The following DDIT4 variants were observed in gnomAD, a reference collection of about 807,000 sequenced individuals.
The protein encoded by DDIT4 is DNA damage-inducible transcript 4 protein.
DDIT4 carries 20 observed loss-of-function variants against 20.2 expected under a neutral mutation model. That is an observed-to-expected ratio of 0.99 (90% CI 0.70 to 1.44). DDIT4 has a LOEUF of 1.44. Ranked by LOEUF, DDIT4 falls within the 40% of genes most tolerant of loss-of-function variation. The probability of loss-of-function intolerance (pLI) is 0.00; values close to 1 mark genes in which losing one functional copy is unlikely to be tolerated. For synonymous variants in DDIT4, 152 were observed against 144.6 expected, an observed-to-expected ratio of 1.05 and a Z score of -0.37; for missense variants, 316 against 298.1, an observed-to-expected ratio of 1.06 and a Z score of -0.44.
chr10:72,275,076 C>A lies in DDIT4; in HGVS notation c.587C>A (p.Ala196Asp), dbSNP rs755428313. Residue 196 changes from alanine (A) to aspartate (D), a missense_variant, in exon 3 of 3, where the codon GCC becomes GAC. By Grantham distance (126) the Ala-to-Asp change is moderately radical. Transcript: ENST00000307365. Reference sequence around the variant, plus strand: ...AAGATCCAGGGGCTGTTTAGCTCCGCCAACTCTCCCTTCCTCCCTGGCTTC... The same window carrying A: ...AAGATCCAGGGGCTGTTTAGCTCCGACAACTCTCCCTTCCTCCCTGGCTTC... ...WPKIQGLFSS[A>D]NSPFLPGFSQ... The A allele has an allele frequency of 3.7e-6, 6 of 1,613,382 alleles. No individual in the cohort carries two copies. The highest frequency in any genetic ancestry group is 3.4e-6 in the Non-Finnish European group (4 of 1,179,982).
chr10:72,274,969 G>A lies in DDIT4; in HGVS notation c.480G>A (p.Val160=), dbSNP rs1156597775. 5.0e-6 allele frequency: 8 copies of A among 1,613,018 alleles called. No homozygotes were observed. The highest frequency in any genetic ancestry group is 5.9e-6 in the Non-Finnish European group (7 of 1,179,954). Residue 160 remains valine (V), a synonymous_variant, in exon 3 of 3, where the codon GTG becomes GTA. Transcript: ENST00000307365. ...CVEQGKSCHS[V]GQLALDPSLV... ...AGCAGGGCAAGAGCTGCCACAGCGT[G>A]GGCCAGCTGGCACTCGACCCCAGCC...
chr10:72,274,791 A>G lies in DDIT4; in HGVS notation c.302A>G (p.Gln101Arg), dbSNP rs755077930. Residue 101 changes from glutamine to arginine, a missense_variant, in exon 3 of 3, where the codon CAG (glutamine) becomes CGG (arginine). Gln to Arg is a conservative substitution (Grantham distance 43). Coordinates refer to ENST00000307365, the MANE Select transcript of DDIT4 (RefSeq NM_019058.4). ...HLCANLMQLL[Q>R]ESLAQARLGS... ...TGTGCCAACCTGATGCAGCTGCTGC[A>G]GGAGAGCCTGGCCCAGGCGCGGCTG... The G allele has an allele frequency of 1.2e-6, 2 of 1,614,016 alleles. No individual in the cohort carries two copies. The highest frequency in any genetic ancestry group is 2.2e-5 in the South Asian group (2 of 91,082).
At position 72,273,973 on chromosome 10, in the gene DDIT4, C is replaced by T. The variant is rs1860793779; in HGVS notation, c.-148C>T. 8.8e-6 allele frequency: 5 copies of T among 566,000 alleles called. No homozygotes were observed. Among genetic ancestry groups the T allele is most frequent in the African/African-American group, 1.9e-5 (1 of 52,836 alleles). 35.1% of individuals were successfully genotyped at this position (566,000 alleles called of 1,614,324 possible). A position where few individuals can be genotyped will look rare whatever the true frequency, so the allele number is the denominator to read the frequency against. ...AGCGTGGACCTGGGACGGGTCTGGG[C>T]GGCTCTCGGTGGTTGGCACGGGTTC... On this transcript the variant is annotated 5_prime_UTR_variant, in exon 1 of 3. Coordinates refer to ENST00000307365, the MANE Select transcript of DDIT4 (RefSeq NM_019058.4).
intron 2 of DDIT4, 93 bp downstream of exon 2, chr10:72,274,514 A>G: frequency 7.0e-7 from 1 of 1,430,910 alleles, no homozygotes; most frequent in South Asian, 1.4e-5. Context: ...TTGGCTTCCT[A>G]TCCCATCGGG....
In DDIT4 at chr10:72,274,046, T is replaced by C; in HGVS notation, c.-75T>C. 1.6e-6 allele frequency: 1 copy of C among 640,580 alleles called. No homozygotes were observed. Among genetic ancestry groups the C allele is most frequent in the Non-Finnish European group, 2.8e-6 (1 of 357,100 alleles). 39.7% of individuals were successfully genotyped at this position (640,580 alleles called of 1,614,324 possible). On this transcript the variant is annotated 5_prime_UTR_variant, in exon 1 of 3. Coordinates refer to ENST00000307365, the MANE Select transcript of DDIT4 (RefSeq NM_019058.4). ...ACGCACTTGTCTTAGCAGTTCTCGC[T>C]GACCGCGCTAGCTGGTGAGTGTCCC...
Position 72,275,306 on chromosome 10 carries a change from C to T in DDIT4, c.*118C>T. On this transcript the variant is annotated 3_prime_UTR_variant, in exon 3 of 3. Coordinates refer to ENST00000307365, the MANE Select transcript of DDIT4 (RefSeq NM_019058.4). ...CCTGTGGTTGGAAAACTGAGGCAGCCACCTAAGGTGGAGGTGGGGGAATAG... is the reference window on the plus strand; with the variant it reads ...CCTGTGGTTGGAAAACTGAGGCAGCTACCTAAGGTGGAGGTGGGGGAATAG... 8.5e-7 allele frequency: 1 copy of T among 1,172,968 alleles called. No homozygotes were observed. The allele number at this position is 1,172,968 out of a possible 1,614,324, so 72.7% of individuals were successfully genotyped here. A position where few individuals can be genotyped will look rare whatever the true frequency, so the allele number is the denominator to read the frequency against.
chr10:72,274,940 G>A lies in DDIT4; in HGVS notation c.451G>A (p.Val151Met). ...GLRGALLDVC[V>M]EQGKSCHSVG... is the part of the protein sequence containing the mutation. ...GCGGGGGGCGCTGCTGGACGTCTGC[G>A]TGGAGCAGGGCAAGAGCTGCCACAG... The change falls in exon 3 of 3, where the codon GTG becomes ATG. Residue 151 changes from valine (V) to methionine (M), a missense_variant. Coordinates refer to ENST00000307365, the MANE Select transcript of DDIT4 (RefSeq NM_019058.4). 6.2e-7 allele frequency: 1 copy of A among 1,612,558 alleles called. No individual in the cohort carries two copies.
chr10:72,274,235 C>A lies in DDIT4; in HGVS notation c.19C>A (p.Arg7Ser), dbSNP rs745376025. Residue 7 changes from arginine to serine, a missense_variant, in exon 2 of 3, where the codon CGC becomes AGC. Transcript: ENST00000307365. MPSLWD[R>S]FSSSSTSSSP... ...CCTCACCATGCCTAGCCTTTGGGACCGCTTCTCGTCGTCGTCCACCTCCTC... is the reference window on the plus strand; with the variant it reads ...CCTCACCATGCCTAGCCTTTGGGACAGCTTCTCGTCGTCGTCCACCTCCTC... The A allele has an allele frequency of 2.5e-6, 4 of 1,613,654 alleles. No homozygotes were observed. The highest frequency in any genetic ancestry group is 3.4e-6 in the Non-Finnish European group (4 of 1,179,822).
chr10:72,274,383 C>T lies in DDIT4; in HGVS notation c.167C>T (p.Ser56Phe). The change falls in exon 2 of 3, where the codon TCC (serine) becomes TTC (phenylalanine). Residue 56 changes from serine to phenylalanine, a missense_variant. Physicochemically the swap from Ser to Phe is radical, Grantham distance 155. Transcript: ENST00000307365. ...AGCCTGGAGAGCTCGGACTGCGAGT[C>T]CCTGGACAGCAGCAACAGTGGCTTC... ...STSLESSDCE[S>F]LDSSNSGFGP... 4 of 1,599,194 alleles carry T rather than the reference C, an allele frequency of 2.5e-6. No individual in the cohort carries two copies. The highest frequency in any genetic ancestry group is 2.6e-6 in the Non-Finnish European group (3 of 1,173,344).
chr10:72,273,984 G>A lies in DDIT4; in HGVS notation c.-137G>A. On this transcript the variant is annotated 5_prime_UTR_variant, in exon 1 of 3. Coordinates refer to ENST00000307365, the MANE Select transcript of DDIT4 (RefSeq NM_019058.4). ...GGGACGGGTCTGGGCGGCTCTCGGT[G>A]GTTGGCACGGGTTCGCACACCCATT... 1 of 579,384 alleles carries A rather than the reference G, an allele frequency of 1.7e-6. No homozygotes were observed. The allele number at this position is 579,384 out of a possible 1,614,324, so 35.9% of individuals were successfully genotyped here. A position where few individuals can be genotyped will look rare whatever the true frequency, so the allele number is the denominator to read the frequency against.
rs757132187 is a variant in DDIT4, at chr10:72,274,682, C to A, written c.206-13C>A. 5 of 1,598,872 alleles carry A rather than the reference C, an allele frequency of 3.1e-6. No homozygotes were observed. The African/African-American group carries it at 5.4e-5, about 17-fold the overall frequency. On this transcript the variant is annotated splice_polypyrimidine_tract_variant and intron_variant, in intron 2 of 2. Transcript: ENST00000307365. ...CCGCTCTAATACCCCTTCCTGTGTG[C>A]TCTCCTTTCCAGACACGGCTTACCT...
Position 72,273,950 on chromosome 10 carries a change from C to G in DDIT4, c.-171C>G, listed in dbSNP as rs137959890. 2.4e-5 allele frequency: 13 copies of G among 531,312 alleles called. No homozygotes were observed. Among genetic ancestry groups the G allele is most frequent in the Non-Finnish European group, 4.4e-5 (13 of 295,576 alleles). The allele number at this position is 531,312 out of a possible 1,614,324, so 32.9% of individuals were successfully genotyped here. ...CAGCAGGCCAAGGGGGAGGTGCGAG[C>G]GTGGACCTGGGACGGGTCTGGGCGG... On this transcript the variant is annotated 5_prime_UTR_variant, in exon 1 of 3. Transcript: ENST00000307365.
chr10:72,274,490 G>A lies in DDIT4; in HGVS notation c.205+69G>A, dbSNP rs1860802815. ...GGTGGGGAAGCCCCGGTGCTGGAAG[G>A]GGTCAGAGCCGCCTTGGCTTCCTAT... On this transcript the variant is annotated intron_variant, in intron 2 of 2. Coordinates refer to ENST00000307365, the MANE Select transcript of DDIT4 (RefSeq NM_019058.4). 5.2e-5 allele frequency: 76 copies of A among 1,465,838 alleles called. 1 individual carries two copies. The South Asian group carries it at 9.7e-4, about 19-fold the overall frequency. 90.8% of individuals were successfully genotyped at this position (1,465,838 alleles called of 1,614,324 possible).
Position 72,275,185 on chromosome 10 carries a change from T to C in DDIT4, c.696T>C (p.Cys232=). 4.4e-6 allele frequency: 7 copies of C among 1,607,286 alleles called. No individual in the cohort carries two copies. The highest frequency in any genetic ancestry group is 5.9e-6 in the Non-Finnish European group (7 of 1,178,800). ...CGGAACAGCTGCTCATTGAGGAGTGTTGAACTTCAACCTGAGGGGGCCGAC... is the reference window on the plus strand; with the variant it reads ...CGGAACAGCTGCTCATTGAGGAGTGCTGAACTTCAACCTGAGGGGGCCGAC... ...YSSEQLLIEE[C] Residue 232 remains cysteine, a synonymous_variant, in exon 3 of 3, where the codon TGT becomes TGC. Transcript: ENST00000307365.
In DDIT4 at chr10:72,275,247, G is replaced by A. The variant is rs555796943; in HGVS notation, c.*59G>A. On this transcript the variant is annotated 3_prime_UTR_variant, in exon 3 of 3. Coordinates refer to ENST00000307365, the MANE Select transcript of DDIT4 (RefSeq NM_019058.4). ...AGACAGAGACGACTGAACTTTTGGGGTGGAGACTAGAGGCAGGAGCTGAGG... is the reference window on the plus strand; with the variant it reads ...AGACAGAGACGACTGAACTTTTGGGATGGAGACTAGAGGCAGGAGCTGAGG... The A allele has an allele frequency of 3.5e-5, 53 of 1,535,344 alleles. No individual in the cohort carries two copies. The South Asian group carries it at 6.1e-4, about 18-fold the overall frequency.
chr10:72,274,603 CG>C, intron 2 of DDIT4, 91 bp from the exon 3 acceptor site: 1 of 1,480,584 alleles, frequency 6.8e-7, no homozygotes, highest in Non-Finnish European at 9.0e-7. Context: ...TGGGAAGGAG[CG>C]TTGGTTTCTT....
chr10:72,274,927 G>C lies in DDIT4; in HGVS notation c.438G>C (p.Leu146=). The C allele has an allele frequency of 6.2e-7, 1 of 1,612,522 alleles. No homozygotes were observed. The highest frequency in any genetic ancestry group is 8.5e-7 in the Non-Finnish European group (1 of 1,179,848). Residue 146 remains leucine (L), a synonymous_variant, in exon 3 of 3, where the codon CTG becomes CTC. Transcript: ENST00000307365. ...YSEPCGLRGA[L]LDVCVEQGKS... ...AGCCGTGCGGCCTGCGGGGGGCGCT[G>C]CTGGACGTCTGCGTGGAGCAGGGCA...
intron 1 of DDIT4, 27 bp from the exon 2 acceptor site, chr10:72,274,130 C>T (rs1860796525): frequency 1.9e-6 from 2 of 1,080,520 alleles, no homozygotes; most frequent in African/African-American, 1.5e-5. Context: ...AGACTGACGC[C>T]TGGTCGGTCC....
chr10:72,274,178 C>G lies in DDIT4; in HGVS notation c.-39C>G, dbSNP rs1860797403. Reference sequence around the variant, plus strand: ...ACAGCGGCTTCTACGCTCCGGCACTCTGAGTTCATCAGCAAACGCCCTGGC... The same window carrying G: ...ACAGCGGCTTCTACGCTCCGGCACTGTGAGTTCATCAGCAAACGCCCTGGC... On this transcript the variant is annotated 5_prime_UTR_variant, in exon 2 of 3. Transcript: ENST00000307365. The G allele has an allele frequency of 1.3e-6, 2 of 1,534,750 alleles. No individual in the cohort carries two copies. The highest frequency in any genetic ancestry group is 2.7e-5 in the African/African-American group (2 of 73,400).
Sources: gnomAD v4.1 joint callset for allele counts on GRCh38, gnomAD v4.1.1 for gene constraint, MANE v1.5 for transcripts, NCBI Gene and HGNC (gene_info 2026-07-23, HGNC 2026-07-21) for gene names.